Variants in MEI4 observed in about 807,000 individuals in gnomAD.
MEI4 encodes the protein meiotic double-stranded break formation protein 4.
In MEI4, 27 loss-of-function variants were observed where a neutral mutation model predicts 31.4. The ratio of observed to expected loss-of-function variants is 0.86; its 90% CI spans 0.63 to 1.19. The LOEUF (loss-of-function observed/expected upper bound fraction) is 1.19, where lower values mean the gene tolerates loss of function less well. Among genes scored for constraint, MEI4 ranks in the 50% most tolerant of loss-of-function variants. The pLI is 0.00. For missense variants in MEI4, 329 were observed against 398.9 expected, an observed-to-expected ratio of 0.82 and a Z score of 1.49; for synonymous variants, 122 against 145.4, an observed-to-expected ratio of 0.84 and a Z score of 1.16.
chr6:77,842,999 A>C (rs1770400434), intron 4 of MEI4, among the ~76,000 whole-genome samples: 1 of 151,994 alleles, frequency 6.6e-6, no homozygotes, highest in Non-Finnish European at 1.5e-5. Flanking sequence ...AAATTTAAGA[A>C]AGAAATATTA....
chr6:77,846,449 A>G (rs1770489240), intron 4 of MEI4, among the ~76,000 whole-genome samples: 1 of 152,082 alleles, frequency 6.6e-6, no homozygotes, highest in Non-Finnish European at 1.5e-5. Context: ...TTCTTTAGTA[A>G]GTTATTTTCA....
At chr6:77,764,908 C>A (rs1466381113) in intron 3 of MEI4, among the ~76,000 whole-genome samples, 1 of 152,032 alleles carries the variant, frequency 6.6e-6, no homozygotes, top group African/African-American at 2.4e-5. Flanking sequence ...TATCTCAAGA[C>A]AAACAAAAAT....
intron 4 of MEI4, among the ~76,000 whole-genome samples, chr6:77,916,460 G>C (rs111703663): frequency 6.5e-4 from 99 of 152,122 alleles, no homozygotes; most frequent in Non-Finnish European, 9.6e-4. Flanking sequence ...TAGGCACATG[G>C]TGTTGGTTAG....
At chr6:77,905,475 CTTTTTTTTTTTTTTTTTTTT>C (rs70974691) in intron 4 of MEI4, among the ~76,000 whole-genome samples, 1 of 93,342 alleles carries the variant, frequency 1.1e-5, no homozygotes, top group African/African-American at 3.8e-5. Context: ...AAATTTTCAG[CTTTTTTTTTTTTTTTTTTTT>C]TTTTTTTTTT....
chr6:77,705,163 ACT>A, intron 2 of MEI4, among the ~76,000 whole-genome samples: 1 of 151,658 alleles, frequency 6.6e-6, no homozygotes, highest in African/African-American at 2.4e-5. Context: ...TTCTAGGAGA[ACT>A]CTCTCCCTTC....
chr6:77,680,885 A>G (rs1768944379), intron 1 of MEI4, among the ~76,000 whole-genome samples: 1 of 152,216 alleles, frequency 6.6e-6, no homozygotes, highest in Non-Finnish European at 1.5e-5. Flanking sequence ...CTTTATCAGA[A>G]TTAATAATGA....
chr6:77,871,139 TTCAGTTCC>T (rs1231575337), intron 4 of MEI4, among the ~76,000 whole-genome samples: 3 of 152,108 alleles, frequency 2.0e-5, no homozygotes, highest in Non-Finnish European at 2.9e-5. Flanking sequence ...CTTAGACCAT[TTCAGTTCC>T]TCACAGGCAG....
intron 3 of MEI4, among the ~76,000 whole-genome samples, chr6:77,800,868 T>C (rs1769236402): frequency 6.6e-6 from 1 of 152,190 alleles, no homozygotes; most frequent in Non-Finnish European, 1.5e-5. Flanking sequence ...GATAAGCTTT[T>C]TGATGTGCTA....
At chr6:77,915,606 A>G (rs895750560) in intron 4 of MEI4, among the ~76,000 whole-genome samples, 12 of 151,880 alleles carry the variant, frequency 7.9e-5, no homozygotes, top group Admixed American at 7.2e-4. Flanking sequence ...GTATTACTAC[A>G]TGTATCTGGG....
At chr6:77,822,729 C>T (rs2127709131) in intron 3 of MEI4, among the ~76,000 whole-genome samples, 1 of 150,268 alleles carries the variant, frequency 6.7e-6, no homozygotes, top group African/African-American at 2.4e-5. Context: ...AAGCTATTCT[C>T]CTGTCTCAGC....
chr6:77,905,104 T>G (rs917687020), intron 4 of MEI4, among the ~76,000 whole-genome samples: 2 of 152,172 alleles, frequency 1.3e-5, no homozygotes, highest in African/African-American at 4.8e-5. Context: ...CTCTCACTTT[T>G]GTCTGGGGAA....
At chr6:77,884,418 A>G (rs928286430) in intron 4 of MEI4, among the ~76,000 whole-genome samples, 3 of 152,208 alleles carry the variant, frequency 2.0e-5, no homozygotes, top group African/African-American at 7.2e-5. Flanking sequence ...TTATAGCAAT[A>G]AAATCCTTGT....
intron 1 of MEI4, among the ~76,000 whole-genome samples, chr6:77,679,886 A>G (rs890106022): frequency 7.3e-5 from 11 of 151,118 alleles, no homozygotes; most frequent in Non-Finnish European, 1.0e-4. Context: ...GATTACAGGT[A>G]TGCGCCACCA....
rs550584859 is a variant in MEI4, at chr6:77,778,172, G to C, written c.768+16507G>C. ...TGGTGGGGTGGGAAGGAAGGGAAAG[G>C]GGGAGAGAGGGAGAAAAGGGAGATT... On this transcript the variant is annotated intron_variant, in intron 3 of 4. Transcript: ENST00000684080. 1.4e-3 allele frequency among the ~76,000 whole-genome samples: 211 copies of C among 151,058 alleles called. 1 individual carries two copies. The highest frequency in any genetic ancestry group is 4.9e-3 in the African/African-American group (203 of 41,134).
intron 4 of MEI4, among the ~76,000 whole-genome samples, chr6:77,867,399 C>T (rs538309339): frequency 2.0e-5 from 3 of 152,064 alleles, no homozygotes; most frequent in South Asian, 2.1e-4. Flanking sequence ...ATCAACAAGT[C>T]GGCGAAGGAT....
chr6:77,735,629 T>G (rs1033341545), intron 2 of MEI4, among the ~76,000 whole-genome samples: 98 of 152,092 alleles, frequency 6.4e-4, no homozygotes, highest in Non-Finnish European at 9.0e-4. Flanking sequence ...CTTCTTCTCT[T>G]AGCTTGTCAA....
chr6:77,878,473 A>G (rs1281938451), intron 4 of MEI4, among the ~76,000 whole-genome samples: 2 of 152,130 alleles, frequency 1.3e-5, no homozygotes, highest in Non-Finnish European at 2.9e-5. Flanking sequence ...ACATTGTGCA[A>G]ACTTTAGATA....
chr6:77,737,568 A>G (rs1057470330), intron 2 of MEI4, among the ~76,000 whole-genome samples: 5 of 152,202 alleles, frequency 3.3e-5, no homozygotes, highest in Non-Finnish European at 7.3e-5. Context: ...ACTGGATGAT[A>G]TGATAGAAAT....
intron 4 of MEI4, among the ~76,000 whole-genome samples, chr6:77,833,651 G>A (rs1770135274): frequency 6.6e-6 from 1 of 152,018 alleles, no homozygotes; most frequent in African/African-American, 2.4e-5. Context: ...TAAATTCTGG[G>A]ACACATGTGC....
Sources: gnomAD v4.1 joint callset for allele counts (sites outside exome capture counted in the v4.1 genomes callset) on GRCh38, gnomAD v4.1.1 for gene constraint, MANE v1.5 for transcripts, NCBI Gene and HGNC (gene_info 2026-07-23, HGNC 2026-07-21) for gene names.